The following ARHGAP24 variants were observed in gnomAD, a reference collection of about 807,000 sequenced individuals.
ARHGAP24 encodes the protein Rho GTPase activating protein 24.
A neutral mutation model predicts 76.4 loss-of-function variants in ARHGAP24; 50 were observed. The ratio of observed to expected loss-of-function variants is 0.65; its 90% CI spans 0.52 to 0.83. The LOEUF (loss-of-function observed/expected upper bound fraction) is 0.83. ARHGAP24 is among the 40% of genes least tolerant of loss of function. ARHGAP24 has a pLI of 0.00. For missense variants in ARHGAP24, 930 were observed against 914.2 expected, an observed-to-expected ratio of 1.02 and a Z score of -0.22; for synonymous variants, 345 against 323.3, an observed-to-expected ratio of 1.07 and a Z score of -0.72.
intron 2 of ARHGAP24, among the ~76,000 whole-genome samples, chr4:85,667,685 T>G (rs1455845950): frequency 6.6e-6 from 1 of 152,206 alleles, no homozygotes; most frequent in Non-Finnish European, 1.5e-5. Context: ...TCCCTAATGT[T>G]CATAAGTTAT....
At chr4:85,720,554 C>CT in intron 2 of ARHGAP24, among the ~76,000 whole-genome samples, 1 of 152,168 alleles carries the variant, frequency 6.6e-6, no homozygotes, top group Non-Finnish European at 1.5e-5. Flanking sequence ...GTCAAATAAG[C>CT]TTTTGAATGT....
intron 1 of ARHGAP24, among the ~76,000 whole-genome samples, chr4:85,484,005 G>A (rs554465480): frequency 2.0e-5 from 3 of 152,324 alleles, no homozygotes; most frequent in Middle Eastern, 6.8e-3. Context: ...ACTTAAGAGT[G>A]ATTAAAAGTA....
intron 3 of ARHGAP24, among the ~76,000 whole-genome samples, chr4:85,848,404 A>G (rs960157135): frequency 1.2e-4 from 18 of 152,164 alleles, no homozygotes; most frequent in Middle Eastern, 3.4e-3. Context: ...TCATTGTTCA[A>G]TTCCCACCTA....
intron 3 of ARHGAP24, among the ~76,000 whole-genome samples, chr4:85,774,949 A>G (rs1223322838): frequency 1.3e-5 from 2 of 152,198 alleles, no homozygotes; most frequent in East Asian, 3.8e-4. Context: ...ACTAAGAGCA[A>G]TGTGGTTCAA....
intron 2 of ARHGAP24, among the ~76,000 whole-genome samples, chr4:85,669,543 T>C (rs945710590): frequency 5.3e-5 from 8 of 151,284 alleles, no homozygotes; most frequent in African/African-American, 1.7e-4. Flanking sequence ...TATGTAGGTA[T>C]GTAGGTACGC....
chr4:85,980,790 A>G (rs1367860615), intron 8 of ARHGAP24, among the ~76,000 whole-genome samples: 1 of 152,164 alleles, frequency 6.6e-6, no homozygotes, highest in Non-Finnish European at 1.5e-5. Context: ...CCTCAAATGT[A>G]TTTTCATAGT....
At chr4:85,911,808 G>T (rs1461419305) in intron 3 of ARHGAP24, among the ~76,000 whole-genome samples, 2 of 152,132 alleles carry the variant, frequency 1.3e-5, no homozygotes, top group African/African-American at 4.8e-5. Flanking sequence ...CAGTTTTAAG[G>T]AGGAAATTCA....
chr4:85,694,088 C>T lies in ARHGAP24; in HGVS notation c.181-27797C>T, dbSNP rs181475560. ...GGTTCACAGCTTCCTACCTCTTCAG[C>T]TTCAGTGTCTGCATTGCATCTCCGT... is the stretch of plus-strand genomic sequence containing the variant. On this transcript the variant is annotated intron_variant, in intron 2 of 9. Transcript: ENST00000395184. Among the ~76,000 whole-genome samples the T allele has an allele frequency of 1.8e-4, 27 of 152,274 alleles. No homozygotes were observed. In the South Asian group the frequency reaches 2.5e-3, roughly 14 times the overall value.
rs75984073 is a variant in ARHGAP24 at position 85,605,911 on chromosome 4, G to A, written c.180+35190G>A. Among the ~76,000 whole-genome samples, 34 of 152,316 alleles carry A rather than the reference G, an allele frequency of 2.2e-4. No individual in the cohort carries two copies. The East Asian group carries it at 6.0e-3, about 27-fold the overall frequency. ...GTTGGAGGTGTGTTCAGTAATCAGC[G>A]TTTATGGAGATTGTGATGAATTCCT... On this transcript the variant is annotated intron_variant, in intron 2 of 9. Coordinates refer to ENST00000395184, the MANE Select transcript of ARHGAP24 (RefSeq NM_001025616.3).
intron 2 of ARHGAP24, among the ~76,000 whole-genome samples, chr4:85,702,292 A>G (rs1036343331): frequency 6.6e-6 from 1 of 152,212 alleles, no homozygotes; most frequent in African/African-American, 2.4e-5. Flanking sequence ...CAAGTTTTCA[A>G]AAAATCTCTA....
At chr4:85,611,035 T>G (rs1344444506) in intron 2 of ARHGAP24, among the ~76,000 whole-genome samples, 1 of 152,170 alleles carries the variant, frequency 6.6e-6, no homozygotes, top group Non-Finnish European at 1.5e-5. Context: ...ATGAATCCAT[T>G]TTGAAAAAGA....
chr4:85,637,490 A>G (rs150942073), intron 2 of ARHGAP24, among the ~76,000 whole-genome samples: 283 of 152,236 alleles, frequency 1.9e-3, no homozygotes, highest in African/African-American at 6.7e-3. Flanking sequence ...ATAGATTACA[A>G]CATCTAAATG....
intron 5 of ARHGAP24, among the ~76,000 whole-genome samples, chr4:85,952,174 G>A (rs1013535952): frequency 2.6e-5 from 4 of 152,154 alleles, no homozygotes; most frequent in Non-Finnish European, 4.4e-5. Flanking sequence ...ATTCAGCTAT[G>A]TATAAAATAT....
At chr4:85,755,460 A>G (rs1335488588) in intron 3 of ARHGAP24, among the ~76,000 whole-genome samples, 1 of 152,026 alleles carries the variant, frequency 6.6e-6, no homozygotes, top group African/African-American at 2.4e-5. Flanking sequence ...ATCAAACGAC[A>G]ATCACACACT....
chr4:85,740,976 T>A (rs1298988081), intron 3 of ARHGAP24, among the ~76,000 whole-genome samples: 1 of 152,254 alleles, frequency 6.6e-6, no homozygotes, highest in Non-Finnish European at 1.5e-5. Flanking sequence ...GCTTGTATTC[T>A]TTAATTTAAT....
At chr4:85,708,737 A>C (rs1724410098) in intron 2 of ARHGAP24, among the ~76,000 whole-genome samples, 1 of 152,130 alleles carries the variant, frequency 6.6e-6, no homozygotes, top group African/African-American at 2.4e-5. Flanking sequence ...GGTTTTTCAG[A>C]CCATATTTAA....
intron 1 of ARHGAP24, among the ~76,000 whole-genome samples, chr4:85,536,153 C>T (rs1442059302): frequency 3.3e-5 from 5 of 151,474 alleles, no homozygotes; most frequent in African/African-American, 4.8e-5. Flanking sequence ...AAAAAAAGGA[C>T]ATGCTAATTA....
chr4:85,782,063 G>GA (rs71672794), intron 3 of ARHGAP24, among the ~76,000 whole-genome samples: 5 of 20,108 alleles, frequency 2.5e-4, no homozygotes, highest in South Asian at 4.0e-3. Flanking sequence ...AAAAAAAAAA[G>GA]AAAAAAAAAA....
chr4:85,966,773 A>AT (rs964758517), intron 5 of ARHGAP24, among the ~76,000 whole-genome samples: 3 of 152,020 alleles, frequency 2.0e-5, no homozygotes, highest in African/African-American at 4.8e-5. Context: ...CATTATTATT[A>AT]TTTTTTTAAT....
Sources: gnomAD v4.1 joint callset for allele counts (sites outside exome capture counted in the v4.1 genomes callset) on GRCh38, gnomAD v4.1.1 for gene constraint, MANE v1.5 for transcripts, NCBI Gene and HGNC (gene_info 2026-07-23, HGNC 2026-07-21) for gene names.